CFAP20DC: variants seen among roughly 807,000 people sequenced by gnomAD.
CFAP20DC encodes the protein protein CFAP20DC.
CFAP20DC carries 84 observed loss-of-function variants against 101.7 expected under a neutral mutation model. That is an observed-to-expected ratio of 0.83 (90% confidence interval 0.69 to 0.99). The LOEUF is 0.99. CFAP20DC is among the 50% of genes least tolerant of loss of function. The pLI, the probability that CFAP20DC is intolerant of heterozygous loss-of-function variation, is 0.00. For synonymous variants in CFAP20DC, 359 were observed against 351.2 expected (o/e 1.02, Z -0.25); for missense variants, 1,007 against 970.3 (o/e 1.04, Z -0.50).
intron 16 of CFAP20DC, among the ~76,000 whole-genome samples, chr3:58,753,508 C>A (rs1160441865): frequency 6.6e-6 from 1 of 152,134 alleles, no homozygotes; most frequent in African/African-American, 2.4e-5. Flanking sequence ...AATTTGACAT[C>A]CAAACCATAT....
chr3:59,044,987 G>GACACACACACACACACAC (rs57196071), intron 3 of CFAP20DC, among the ~76,000 whole-genome samples: 1 of 139,846 alleles, frequency 7.2e-6, no homozygotes, highest in South Asian at 2.3e-4. Context: ...TCCTATTACA[G>GACACACACACACACACAC]ACACACACAC....
chr3:59,038,534 C>G (rs185170317), intron 4 of CFAP20DC, among the ~76,000 whole-genome samples: 4 of 152,190 alleles, frequency 2.6e-5, no homozygotes, highest in South Asian at 4.2e-4. Context: ...TTGTAGCAAC[C>G]CTGTGTCAAG....
At chr3:58,856,347 C>A (rs1218946413) in intron 12 of CFAP20DC, among the ~76,000 whole-genome samples, 3 of 150,374 alleles carry the variant, frequency 2.0e-5, no homozygotes, top group African/African-American at 7.3e-5. Context: ...TTCAGTGTTC[C>A]AGATAGGGTA....
intron 5 of CFAP20DC, among the ~76,000 whole-genome samples, chr3:58,916,486 A>G (rs1480471668): frequency 6.6e-6 from 1 of 152,136 alleles, no homozygotes; most frequent in East Asian, 1.9e-4. Flanking sequence ...AATGTACTAA[A>G]CAAATAAGGG....
chr3:58,795,369 G>A lies in CFAP20DC; in HGVS notation c.2237+11026C>T, dbSNP rs1035552826. Among the ~76,000 whole-genome samples the A allele has an allele frequency of 6.6e-6, 1 of 152,184 alleles. No homozygotes were observed. Among genetic ancestry groups the A allele is most frequent in the Admixed American group, 6.5e-5 (1 of 15,276 alleles). On this transcript the variant is annotated intron_variant, in intron 15 of 16. Coordinates refer to ENST00000482387, the MANE Select transcript of CFAP20DC (RefSeq NM_001394063.1). This position sits in a 1 kb window ranked among gnomAD's most constrained non-coding sequence, Gnocchi z 4.2. ...ATGTCAAGATTCTGCCAGGTGCCGT[G>A]GCTCACGCCTGTAACCCAGCCCTTT...
chr3:58,794,813 C>G (rs958456301), intron 15 of CFAP20DC, among the ~76,000 whole-genome samples: 4 of 152,186 alleles, frequency 2.6e-5, no homozygotes, highest in Non-Finnish European at 5.9e-5. Flanking sequence ...AGGCCACAAG[C>G]TCATTAAAGT....
intron 14 of CFAP20DC, among the ~76,000 whole-genome samples, chr3:58,829,416 G>T (rs1026913224): frequency 3.2e-4 from 48 of 151,282 alleles, no homozygotes; most frequent in Admixed American, 2.6e-3. Flanking sequence ...CTTTTAAAGA[G>T]AAAGGCATGA....
At chr3:59,034,772 T>C (rs1330246863) in intron 4 of CFAP20DC, among the ~76,000 whole-genome samples, 1 of 152,104 alleles carries the variant, frequency 6.6e-6, no homozygotes, top group African/African-American at 2.4e-5. Context: ...ACTGTCAATA[T>C]TAGACAGCTC....
At chr3:58,849,006 CTG>C (rs2077983236) in intron 13 of CFAP20DC, 24 bp downstream of exon 13, 2 of 1,528,776 alleles carry the variant, frequency 1.3e-6, no homozygotes, top group Non-Finnish European at 1.7e-6. Context: ...TTGCCGGCAT[CTG>C]TAAACCACAC....
intron 4 of CFAP20DC, among the ~76,000 whole-genome samples, chr3:59,023,693 G>A (rs970423028): frequency 5.9e-5 from 9 of 152,016 alleles, no homozygotes; most frequent in Non-Finnish European, 7.4e-5. Flanking sequence ...TTTTTCCTAC[G>A]GACTTGGGCT....
intron 4 of CFAP20DC, among the ~76,000 whole-genome samples, chr3:59,008,223 G>A (rs956902793): frequency 2.6e-5 from 4 of 152,204 alleles, no homozygotes; most frequent in Non-Finnish European, 5.9e-5. Flanking sequence ...AGAGATGCCT[G>A]TCTGATGTGA....
intron 5 of CFAP20DC, among the ~76,000 whole-genome samples, chr3:58,927,477 G>C (rs1267292959): frequency 6.6e-6 from 1 of 152,178 alleles, no homozygotes; most frequent in Non-Finnish European, 1.5e-5. Context: ...CTTTACAGAA[G>C]AGCTTGCAGC....
intron 12 of CFAP20DC, among the ~76,000 whole-genome samples, chr3:58,854,660 A>G (rs2078595171): frequency 6.6e-6 from 1 of 151,978 alleles, no homozygotes; most frequent in Non-Finnish European, 1.5e-5. Flanking sequence ...GGAACAGAAT[A>G]GAGCCCTCAG....
downstream of CFAP20DC, among the ~76,000 whole-genome samples, chr3:58,741,217 A>G (rs571808010): frequency 3.2e-4 from 49 of 151,260 alleles, no homozygotes; most frequent in South Asian, 6.2e-4. Context: ...AGCTAATATA[A>G]TAAGTACTTC....
chr3:59,032,856 C>A lies in CFAP20DC; in HGVS notation c.278+6701G>T, dbSNP rs542958995. Among the ~76,000 whole-genome samples, 148 of 152,314 alleles carry A rather than the reference C, an allele frequency of 9.7e-4. No homozygotes were observed. The Middle Eastern group carries it at 0.01, about 11-fold the overall frequency. On this transcript the variant is annotated intron_variant, in intron 4 of 16. Transcript: ENST00000482387. ...ACAGCACTCGAGCTCTGCTAAGGGA[C>A]AGACTGCCTCCTCAAGTGGGTCCCT...
intron 15 of CFAP20DC, among the ~76,000 whole-genome samples, chr3:58,769,856 T>C (rs1165898276): frequency 6.6e-6 from 1 of 152,150 alleles, no homozygotes; most frequent in Non-Finnish European, 1.5e-5. Context: ...TAAACACTCA[T>C]ACAAATGGGA....
At chr3:58,782,766 A>G (rs548085804) in intron 15 of CFAP20DC, among the ~76,000 whole-genome samples, 81 of 152,244 alleles carry the variant, frequency 5.3e-4, no homozygotes, top group Non-Finnish European at 1.0e-3. Flanking sequence ...ATTGAAAAGG[A>G]TATAAACAAA....
At chr3:58,939,913 C>T (rs1015495643) in intron 4 of CFAP20DC, among the ~76,000 whole-genome samples, 10 of 151,886 alleles carry the variant, frequency 6.6e-5, no homozygotes, top group South Asian at 2.1e-4. Context: ...ATTACCAGCG[C>T]GTGACATTAT....
chr3:58,718,374 T>C lies in CFAP20DC; in HGVS notation c.198-746A>G, dbSNP rs564301298. Among the ~76,000 whole-genome samples the C allele has an allele frequency of 7.9e-5, 12 of 152,298 alleles. No individual in the cohort carries two copies. In the South Asian group the frequency reaches 1.7e-3, roughly 21 times the overall value. ...GCTAATTCCTTCTCACCCCAGAGCATGTGGAAATGCAGGATTCCTCCATGT... is the reference window on the plus strand; with the variant it reads ...GCTAATTCCTTCTCACCCCAGAGCACGTGGAAATGCAGGATTCCTCCATGT... On this transcript the variant is annotated intron_variant, in intron 3 of 3. Transcript: ENST00000486145.
Sources: allele counts gnomAD v4.1 joint callset (sites outside exome capture counted in the v4.1 genomes callset), GRCh38; gene constraint gnomAD v4.1.1; non-coding constraint Gnocchi (gnomAD v3.1); transcripts MANE v1.5; gene names NCBI Gene and HGNC (gene_info 2026-07-23, HGNC 2026-07-21).